The following APBB1 variants were observed in gnomAD, a reference collection of about 807,000 sequenced individuals.
The protein encoded by APBB1 is adaptor protein FE65a2.
A neutral mutation model predicts 78.4 loss-of-function variants in APBB1; 22 were observed. The observed-to-expected ratio is 0.28, with a 90% confidence interval of 0.20 to 0.40. APBB1 has a LOEUF of 0.40. APBB1 is among the 10% of genes least tolerant of loss of function. The pLI is 1.00. For synonymous variants in APBB1, 369 were observed against 372.7 expected (o/e 0.99, Z 0.12); for missense variants, 749 against 932.4 (o/e 0.80, Z 2.56).
At chr11:6,404,940 C>CA in intron 2 of APBB1, 1 of 1,444,184 alleles carries the variant, frequency 6.9e-7, no homozygotes, top group Non-Finnish European at 9.1e-7. Context: ...GTCTGCCAGG[C>CA]AAGATCCTCC....
chr11:6,413,398 C>G (rs1007502051), intron 1 of APBB1, among the ~76,000 whole-genome samples: 1 of 152,224 alleles, frequency 6.6e-6, no homozygotes, highest in Admixed American at 6.5e-5. Context: ...CCCTGTTCCT[C>G]TACTAAGGAG....
chr11:6,407,796 G>A (rs1158384077), intron 2 of APBB1, among the ~76,000 whole-genome samples: 2 of 139,426 alleles, frequency 1.4e-5, no homozygotes, highest in African/African-American at 5.7e-5. Flanking sequence ...TTTTTGAGAC[G>A]GAGTCTCGCT....
chr11:6,408,253 A>G (rs1848868283), intron 2 of APBB1, among the ~76,000 whole-genome samples: 1 of 152,222 alleles, frequency 6.6e-6, no homozygotes, highest in East Asian at 1.9e-4. Flanking sequence ...TCCAAACCAT[A>G]GAAAACTCAG....
Position 6,403,991 on chromosome 11 carries a change from T to TCCGC in APBB1, c.722-170_722-169insGCGG. On this transcript the variant is annotated intron_variant, in intron 2 of 14. Transcript: ENST00000609360. This position sits in a 1 kb window ranked among gnomAD's most constrained non-coding sequence, Gnocchi z 5.3. ...GCCTATAGTCTGGAGTCACCACATG[T>TCCGC]GGGGCCACCAGTAGGGGACATGGCT... The TCCGC allele has an allele frequency of 1.5e-6, 1 of 645,548 alleles. No homozygotes were observed. The highest frequency in any genetic ancestry group is 2.4e-6 in the Non-Finnish European group (1 of 413,960). 40.0% of individuals were successfully genotyped at this position (645,548 alleles called of 1,614,324 possible).
chr11:6,405,442 G>A (rs950358723), intron 2 of APBB1: 22 of 987,170 alleles, frequency 2.2e-5, no homozygotes, highest in Admixed American at 1.2e-4. Context: ...CACCAGGACC[G>A]GCTGGGAGCG....
At chr11:6,414,839 TC>T (rs1849080397) in intron 1 of APBB1, among the ~76,000 whole-genome samples, 1 of 152,076 alleles carries the variant, frequency 6.6e-6, no homozygotes, top group Non-Finnish European at 1.5e-5. Flanking sequence ...GGCAAACCCT[TC>T]TCTGAAGCAG....
intron 12 of APBB1, 22 bp downstream of exon 12, chr11:6,400,967 G>A: frequency 6.2e-7 from 1 of 1,605,222 alleles, no homozygotes; most frequent in Non-Finnish European, 8.5e-7. Flanking sequence ...AGCAGCCCCT[G>A]GGTATAGAAG....
Position 6,401,492 on chromosome 11 carries a change from C to A in APBB1, c.1504-63G>T. On this transcript the variant is annotated intron_variant, in intron 10 of 14. Transcript: ENST00000609360. This position sits in a 1 kb window ranked among gnomAD's most constrained non-coding sequence, Gnocchi z 4.5. Reference sequence around the variant, plus strand: ...TATTAGAGCCTCATTGCCCTGGGGCCCCCCTACAGCACTCAGTGACCCCAC... The same window carrying A: ...TATTAGAGCCTCATTGCCCTGGGGCACCCCTACAGCACTCAGTGACCCCAC... 6.2e-7 allele frequency: 1 copy of A among 1,612,340 alleles called. No individual in the cohort carries two copies. Among genetic ancestry groups the A allele is most frequent in the Non-Finnish European group, 8.5e-7 (1 of 1,178,674 alleles).
intron 1 of APBB1, 57 bp downstream of exon 1, chr11:6,418,928 C>A: frequency 5.2e-6 from 2 of 381,344 alleles, no homozygotes; most frequent in Non-Finnish European, 9.3e-6. Flanking sequence ...GGTCCGCCGG[C>A]CGCTGGTGAT....
rs1293390108 is a variant in APBB1 at position 6,395,364 on chromosome 11, G to C, written c.*170C>G. The C allele has an allele frequency of 1.5e-6, 1 of 654,842 alleles. No individual in the cohort carries two copies. The highest frequency in any genetic ancestry group is 2.4e-6 in the Non-Finnish European group (1 of 415,328). 40.6% of individuals were successfully genotyped at this position (654,842 alleles called of 1,614,324 possible). ...ACTCCAGTGTTATCACTTCCTTGAA[G>C]GGATTAGATCTCTCCCTCCCCAGCT... On this transcript the variant is annotated 3_prime_UTR_variant, in exon 15 of 15. Coordinates refer to ENST00000609360, the MANE Select transcript of APBB1 (RefSeq NM_001164.5). This position sits in a 1 kb window ranked among gnomAD's most constrained non-coding sequence, Gnocchi z 5.2.
At chr11:6,405,360 T>C (rs1003614017) in intron 2 of APBB1, 9 of 986,452 alleles carry the variant, frequency 9.1e-6, no homozygotes, top group Non-Finnish European at 1.1e-5. Context: ...GGCTTGGGGC[T>C]TCCCAGCACC....
At chr11:6,410,244 A>G (rs1030866355) in intron 2 of APBB1, among the ~76,000 whole-genome samples, 6 of 152,214 alleles carry the variant, frequency 3.9e-5, no homozygotes, top group Non-Finnish European at 7.3e-5. Flanking sequence ...GTCTCGAGAA[A>G]GCTACTAAAC....
At position 6,404,797 on chromosome 11, in the gene APBB1, G is replaced by A. The variant is rs983551024; in HGVS notation, c.722-975C>T. ...CCAGGAAAAAGTCCTGGGAGAACAT[G>A]GCGCTCATTCCCGGCCCCTCCTGCC... On this transcript the variant is annotated intron_variant, in intron 2 of 14. Transcript: ENST00000609360. 2.0e-6 allele frequency: 3 copies of A among 1,536,142 alleles called. No homozygotes were observed. The African/African-American group carries it at 4.1e-5, about 21-fold the overall frequency.
intron 12 of APBB1, among the ~76,000 whole-genome samples, chr11:6,398,559 A>G (rs1848344601): frequency 6.6e-6 from 1 of 152,162 alleles, no homozygotes; most frequent in African/African-American, 2.4e-5. Flanking sequence ...CATAGGGAGG[A>G]CCAGAGTCAA....
At chr11:6,400,541 TAA>T (rs5789463) in intron 12 of APBB1, among the ~76,000 whole-genome samples, 5 of 141,998 alleles carry the variant, frequency 3.5e-5, no homozygotes, top group Non-Finnish European at 1.5e-5. Context: ...GACTTGTCTT[TAA>T]AAAAAAAAAA....
In APBB1 at chr11:6,410,969, C is replaced by T. The variant is rs765193213; in HGVS notation, c.379G>A (p.Ala127Thr). 33 of 1,614,058 alleles carry T rather than the reference C, an allele frequency of 2.0e-5. No homozygotes were observed. The African/African-American group carries it at 3.7e-4, about 18-fold the overall frequency. ...GGTCCTCGTAGGCCTCGGTTGGCTG[C>T]GTTGTGAGCTGAGAGCTCCAGCTCA... ...YSELELSAHN[A>T]ANRGLRGPGL... Residue 127 changes from alanine (A) to threonine (T), a missense_variant, in exon 2 of 15, where the codon GCA (alanine) becomes ACA (threonine). By Grantham distance (58) the Ala-to-Thr change is moderately conservative. Coordinates refer to ENST00000609360, the MANE Select transcript of APBB1 (RefSeq NM_001164.5).
At chr11:6,407,920 C>T (rs1271045069) in intron 2 of APBB1, among the ~76,000 whole-genome samples, 2 of 151,886 alleles carry the variant, frequency 1.3e-5, no homozygotes, top group Admixed American at 1.3e-4. Flanking sequence ...GCTGGGACTA[C>T]AGGCGCCCGC....
In APBB1 at chr11:6,410,847, T is replaced by TTCA. The variant is rs761311639; in HGVS notation, c.498_500dup (p.Asp166dup). The stretch of plus-strand genomic sequence containing the variant: ...GAGAAGATAAGTCCTCCTCCTCCTC[T>TTCA]TCATCATCATCATCCTCCTCCTCCT... On this transcript the variant is annotated inframe_insertion, in exon 2 of 15. Coordinates refer to ENST00000609360, the MANE Select transcript of APBB1 (RefSeq NM_001164.5). The TTCA allele has an allele frequency of 1.9e-6, 3 of 1,613,174 alleles. No homozygotes were observed. Among genetic ancestry groups the TTCA allele is most frequent in the Non-Finnish European group, 2.5e-6 (3 of 1,179,308 alleles).
At chr11:6,413,586 G>C (rs1849037878) in intron 1 of APBB1, among the ~76,000 whole-genome samples, 1 of 151,924 alleles carries the variant, frequency 6.6e-6, no homozygotes, top group Non-Finnish European at 1.5e-5. Flanking sequence ...CTGAGTAGCT[G>C]GGATTATAGG....
Sources: allele counts gnomAD v4.1 joint callset (sites outside exome capture counted in the v4.1 genomes callset), GRCh38; gene constraint gnomAD v4.1.1; non-coding constraint Gnocchi (gnomAD v3.1); transcripts MANE v1.5; gene names NCBI Gene and HGNC (gene_info 2026-07-23, HGNC 2026-07-21).